The following THSD7B variants were observed in gnomAD, a reference collection of about 807,000 sequenced individuals.
The protein encoded by THSD7B is thrombospondin type 1 domain containing 7B.
A neutral mutation model predicts 213.6 loss-of-function variants in THSD7B; 138 were observed. The observed-to-expected ratio is 0.65, with a 90% CI of 0.56 to 0.74. The LOEUF (loss-of-function observed/expected upper bound fraction) is 0.74, where lower values mean the gene tolerates loss of function less well. Among genes scored for constraint, THSD7B ranks in the 30% least tolerant of loss-of-function variants. The pLI is 0.00. For missense variants in THSD7B, 1,931 were observed against 1,991.5 expected, an observed-to-expected ratio of 0.97 and a Z score of 0.58; for synonymous variants, 742 against 687.0, an observed-to-expected ratio of 1.08 and a Z score of -1.25.
chr2:137,276,789 G>C (rs1284114297), intron 12 of THSD7B, among the ~76,000 whole-genome samples: 2 of 151,866 alleles, frequency 1.3e-5, no homozygotes, highest in Admixed American at 1.3e-4. Flanking sequence ...AAATTATACT[G>C]GTTTCATAAT....
At chr2:136,856,718 G>A (rs142662453) in intron 1 of THSD7B, among the ~76,000 whole-genome samples, 2,126 of 152,212 alleles carry the variant, frequency 0.014, 54 homozygotes, top group African/African-American at 0.049. Context: ...GTTTCACCAT[G>A]TTGGCCAGGC....
At chr2:137,312,134 C>T (rs113939830) in intron 12 of THSD7B, among the ~76,000 whole-genome samples, 6 of 151,844 alleles carry the variant, frequency 4.0e-5, no homozygotes, top group Non-Finnish European at 7.4e-5. Flanking sequence ...TCCATCTGGT[C>T]CTGGACTCTT....
At chr2:137,507,095 C>A (rs1679853127) in intron 15 of THSD7B, among the ~76,000 whole-genome samples, 1 of 152,164 alleles carries the variant, frequency 6.6e-6, no homozygotes, top group Admixed American at 6.5e-5. Context: ...AAATAGATAA[C>A]CCCTCCAGGA....
At chr2:137,603,182 C>A (rs750008612) in intron 17 of THSD7B, among the ~76,000 whole-genome samples, 2 of 152,164 alleles carry the variant, frequency 1.3e-5, no homozygotes, top group Non-Finnish European at 2.9e-5. Context: ...TGGACACCAC[C>A]ACTTTGTATT....
Position 137,546,455 on chromosome 2 carries a change from T to TA in THSD7B, c.3139-16766_3139-16765insA, listed in dbSNP as rs1491145044. Among the ~76,000 whole-genome samples the TA allele has an allele frequency of 1.0e-4, 2 of 19,708 alleles. 1 individual carries two copies. The highest frequency in any genetic ancestry group is 8.3e-4 in the African/African-American group (2 of 2,398). 12.9% of individuals were successfully genotyped at this position (19,708 alleles called of 152,430 possible). The stretch of plus-strand genomic sequence containing the variant: ...ATATATTATATATATTATATATATA[T>TA]TATATATAATATATATATATATAAT... On this transcript the variant is annotated intron_variant, in intron 15 of 27. Coordinates refer to ENST00000409968, the MANE Select transcript of THSD7B (RefSeq NM_001316349.2).
chr2:136,886,279 T>C (rs904515145), intron 2 of THSD7B, among the ~76,000 whole-genome samples: 7 of 152,092 alleles, frequency 4.6e-5, no homozygotes, highest in African/African-American at 1.7e-4. Flanking sequence ...CTGACTTTCT[T>C]GTTGACTTTC....
At chr2:137,226,568 A>G (rs1681509268) in intron 7 of THSD7B, among the ~76,000 whole-genome samples, 1 of 151,806 alleles carries the variant, frequency 6.6e-6, no homozygotes, top group South Asian at 2.1e-4. Context: ...TATGTTAAGA[A>G]TCTTTGTCGT....
intron 12 of THSD7B, among the ~76,000 whole-genome samples, chr2:137,386,162 G>C (rs543589060): frequency 1.8e-4 from 28 of 152,182 alleles, no homozygotes; most frequent in Non-Finnish European, 2.9e-4. Flanking sequence ...CTGTTTTCAA[G>C]GGACATGTCC....
At chr2:137,072,610 A>C (rs1054422354) in intron 3 of THSD7B, among the ~76,000 whole-genome samples, 1 of 152,008 alleles carries the variant, frequency 6.6e-6, no homozygotes, top group Non-Finnish European at 1.5e-5. Flanking sequence ...TCTCCTGCCT[A>C]ATTGCCCTGG....
chr2:137,657,163 A>T lies in THSD7B; in HGVS notation c.4375+3A>T. ...TTCAGATGGCGTTAATGTCACAGGT[A>T]TTCCTGCCTAAGACTCATGTGGGCA... On this transcript the variant is annotated splice_donor_region_variant and intron_variant, in intron 24 of 27. Coordinates refer to ENST00000409968, the MANE Select transcript of THSD7B (RefSeq NM_001316349.2). The T allele has an allele frequency of 6.2e-7, 1 of 1,613,888 alleles. No homozygotes were observed. The highest frequency in any genetic ancestry group is 8.5e-7 in the Non-Finnish European group (1 of 1,179,792).
At chr2:137,650,469 A>T (rs1366403468) in intron 21 of THSD7B, among the ~76,000 whole-genome samples, 12 of 152,190 alleles carry the variant, frequency 7.9e-5, no homozygotes, top group Non-Finnish European at 1.5e-5. Flanking sequence ...TATCAGTTAC[A>T]AGAGTTTTTT....
intron 2 of THSD7B, among the ~76,000 whole-genome samples, chr2:136,980,313 C>G (rs1685552667): frequency 6.6e-6 from 1 of 152,166 alleles, no homozygotes; most frequent in African/African-American, 2.4e-5. Flanking sequence ...TGGGGGGAAT[C>G]TTGGCTAGGA....
At chr2:136,977,809 T>TTTTTTGTTTTTTG (rs1553461922) in intron 2 of THSD7B, among the ~76,000 whole-genome samples, 1 of 114,914 alleles carries the variant, frequency 8.7e-6, no homozygotes, top group African/African-American at 3.3e-5. Flanking sequence ...TTGTTTTTTT[T>TTTTTTGTTTTTTG]TTTTTTTTTT....
chr2:137,642,277 A>G, intron 20 of THSD7B: 7 of 512,628 alleles, frequency 1.4e-5, no homozygotes, highest in Non-Finnish European at 2.3e-5. Context: ...AGTAGAAGAC[A>G]GAATTTCAGA....
rs1010121752 is a variant in THSD7B, at chr2:137,362,496, A to G, written c.2501-43117A>G. On this transcript the variant is annotated intron_variant, in intron 12 of 27. Coordinates refer to ENST00000409968, the MANE Select transcript of THSD7B (RefSeq NM_001316349.2). Reference sequence around the variant, plus strand: ...GTTGTATTCAGGAGACCCATCTCACATGCAGAGACACACATAGGCTCAAAA... The same window carrying G: ...GTTGTATTCAGGAGACCCATCTCACGTGCAGAGACACACATAGGCTCAAAA... Among the ~76,000 whole-genome samples, 9 of 152,304 alleles carry G rather than the reference A, an allele frequency of 5.9e-5. No individual in the cohort carries two copies. In the East Asian group the frequency reaches 1.2e-3, roughly 20 times the overall value.
chr2:137,137,366 A>G (rs1434760818), intron 5 of THSD7B, among the ~76,000 whole-genome samples: 1 of 152,176 alleles, frequency 6.6e-6, no homozygotes, highest in Non-Finnish European at 1.5e-5. Flanking sequence ...AGGATTTTGT[A>G]TAAATGCATC....
At chr2:137,498,183 G>A (rs78818192) in intron 15 of THSD7B, among the ~76,000 whole-genome samples, 11,016 of 152,188 alleles carry the variant, frequency 0.072, 449 homozygotes, top group African/African-American at 0.088. Flanking sequence ...ATTAATCTAT[G>A]GATTGTTGTA....
intron 6 of THSD7B, among the ~76,000 whole-genome samples, chr2:137,166,605 C>G (rs540432085): frequency 1.3e-5 from 2 of 152,146 alleles, no homozygotes; most frequent in Non-Finnish European, 2.9e-5. Context: ...GGACAAGATA[C>G]TTTGAAACTG....
intron 15 of THSD7B, among the ~76,000 whole-genome samples, chr2:137,531,523 T>C (rs1294326492): frequency 6.6e-6 from 1 of 151,902 alleles, no homozygotes; most frequent in East Asian, 1.9e-4. Context: ...TATCTTATCT[T>C]CTGCTCTAGA....
Sources: allele counts gnomAD v4.1 joint callset (sites outside exome capture counted in the v4.1 genomes callset), GRCh38; gene constraint gnomAD v4.1.1; transcripts MANE v1.5; gene names NCBI Gene and HGNC (gene_info 2026-07-23, HGNC 2026-07-21).